The following CLEC16A variants were observed in gnomAD, a reference collection of about 807,000 sequenced individuals.
CLEC16A encodes the protein protein CLEC16A.
CLEC16A carries 51 observed loss-of-function variants against 109.5 expected under a neutral mutation model. The ratio of observed to expected loss-of-function variants is 0.47; its 90% CI spans 0.37 to 0.59. The LOEUF (loss-of-function observed/expected upper bound fraction) is 0.59, where lower values mean the gene tolerates loss of function less well. CLEC16A is among the 20% of genes least tolerant of loss of function. CLEC16A has a pLI of 0.00. For missense variants in CLEC16A, 1,339 were observed against 1,394.0 expected (o/e 0.96, Z 0.63); for synonymous variants, 673 against 564.2 (o/e 1.19, Z -2.73).
At chr16:11,059,423 A>T (rs1248427136) in intron 18 of CLEC16A, among the ~76,000 whole-genome samples, 1 of 152,138 alleles carries the variant, frequency 6.6e-6, no homozygotes, top group Non-Finnish European at 1.5e-5. Context: ...AGGAGATAGG[A>T]TTGCTCTTCC....
At chr16:11,126,781 A>G (rs751134873) in intron 22 of CLEC16A, 6 of 153,258 alleles carry the variant, frequency 3.9e-5, no homozygotes, top group African/African-American at 7.2e-5. Flanking sequence ...ATCCGTATGC[A>G]CCCCGATCCC....
At chr16:11,012,594 CAAAAAAAAAAAAAAAA>C (rs551902895) in intron 11 of CLEC16A, among the ~76,000 whole-genome samples, 2 of 67,940 alleles carry the variant, frequency 2.9e-5, no homozygotes, top group Non-Finnish European at 6.2e-5. Context: ...GACTCCGTCT[CAAAAAAAAAAAAAAAA>C]AAAAAAAAAA....
intron 22 of CLEC16A, among the ~76,000 whole-genome samples, chr16:11,147,146 A>G (rs13331231): frequency 0.22 from 33,874 of 152,036 alleles, 4,589 homozygotes; most frequent in African/African-American, 0.39. Flanking sequence ...AGGCTGCCCA[A>G]TCCCCAAGGA....
intron 18 of CLEC16A, 45 bp downstream of exon 18, chr16:11,051,686 A>G (rs907109038): frequency 6.2e-7 from 1 of 1,604,642 alleles, no homozygotes; most frequent in South Asian, 1.1e-5. Context: ...ACTGTTCTCC[A>G]GAACCACTCC....
At chr16:11,130,599 G>T (rs759715057) in intron 22 of CLEC16A, among the ~76,000 whole-genome samples, 20 of 152,286 alleles carry the variant, frequency 1.3e-4, no homozygotes, top group South Asian at 8.3e-4. Context: ...AGGGAGATTC[G>T]GTCATCAGAA....
At chr16:11,086,932 G>T (rs1381142840) in intron 19 of CLEC16A, among the ~76,000 whole-genome samples, 1 of 152,132 alleles carries the variant, frequency 6.6e-6, no homozygotes. Flanking sequence ...GAATCCTCAG[G>T]GGGAGGCCCT....
chr16:11,081,946 C>A (rs772964029), intron 19 of CLEC16A, among the ~76,000 whole-genome samples: 1 of 152,076 alleles, frequency 6.6e-6, no homozygotes, highest in African/African-American at 2.4e-5. Flanking sequence ...GTGGGAGGAT[C>A]GCTTGAGCTT....
intron 13 of CLEC16A, among the ~76,000 whole-genome samples, chr16:11,031,600 C>G (rs2152829449): frequency 6.6e-6 from 1 of 152,298 alleles, no homozygotes; most frequent in African/African-American, 2.4e-5. Context: ...ATTCTTCCAA[C>G]AAATATTTTG....
At chr16:11,082,584 C>T (rs1597326816) in intron 19 of CLEC16A, among the ~76,000 whole-genome samples, 1 of 152,116 alleles carries the variant, frequency 6.6e-6, no homozygotes, top group Non-Finnish European at 1.5e-5. Context: ...GCAGCCGGAG[C>T]GGCTGTGCAT....
At chr16:11,165,821 C>T (rs1438300585) in intron 22 of CLEC16A, among the ~76,000 whole-genome samples, 1 of 152,208 alleles carries the variant, frequency 6.6e-6, no homozygotes, top group Non-Finnish European at 1.5e-5. Flanking sequence ...AGACCATCAT[C>T]ACTAGCTCTT....
intron 18 of CLEC16A, among the ~76,000 whole-genome samples, chr16:11,058,566 A>G (rs1334485006): frequency 1.3e-5 from 2 of 151,716 alleles, no homozygotes; most frequent in Non-Finnish European, 2.9e-5. Context: ...GGTTGAATCC[A>G]CAGATATGGA....
At chr16:10,989,230 T>G (rs79696841) in intron 10 of CLEC16A, among the ~76,000 whole-genome samples, 1 of 10,738 alleles carries the variant, frequency 9.3e-5, no homozygotes, top group Non-Finnish European at 2.9e-4. Flanking sequence ...TTGTTTTTTG[T>G]TTTTTTTTGA....
At chr16:11,013,527 G>A (rs1056577784) in intron 11 of CLEC16A, among the ~76,000 whole-genome samples, 2 of 152,158 alleles carry the variant, frequency 1.3e-5, no homozygotes, top group Non-Finnish European at 2.9e-5. Context: ...AACTTTGGGA[G>A]GCCAAGGCAG....
chr16:11,015,933 C>T (rs979394635), intron 11 of CLEC16A, among the ~76,000 whole-genome samples: 58 of 152,334 alleles, frequency 3.8e-4, no homozygotes, highest in African/African-American at 1.3e-3. Flanking sequence ...AGGCCAGAGG[C>T]TGGGAGACGA....
At chr16:11,023,005 A>G (rs1388253055) in intron 12 of CLEC16A, among the ~76,000 whole-genome samples, 2 of 150,514 alleles carry the variant, frequency 1.3e-5, no homozygotes, top group South Asian at 2.1e-4. Context: ...TTATGAAAGT[A>G]TGCAAAATCT....
At chr16:11,031,137 A>G (rs1259612203) in intron 13 of CLEC16A, among the ~76,000 whole-genome samples, 1 of 152,214 alleles carries the variant, frequency 6.6e-6, no homozygotes, top group Non-Finnish European at 1.5e-5. Flanking sequence ...TGCTCCCTGC[A>G]GTACCCAGCC....
At chr16:11,114,052 G>C (rs887709208) in intron 19 of CLEC16A, among the ~76,000 whole-genome samples, 4 of 151,694 alleles carry the variant, frequency 2.6e-5, no homozygotes, top group Non-Finnish European at 5.9e-5. Context: ...GATGTTATCA[G>C]ACATGTTTAT....
chr16:11,062,056 A>G (rs1455558419), intron 19 of CLEC16A, among the ~76,000 whole-genome samples: 1 of 152,180 alleles, frequency 6.6e-6, no homozygotes, highest in Non-Finnish European at 1.5e-5. Flanking sequence ...CTTGGGGCAC[A>G]TGACCATCCC....
chr16:11,070,511 C>T (rs555806479), intron 19 of CLEC16A: 12 of 152,128 alleles, frequency 7.9e-5, no homozygotes, highest in Non-Finnish European at 1.6e-4. Context: ...CCAGCTGTGC[C>T]ATTATCTTTT....
Sources: gnomAD v4.1 joint callset for allele counts (sites outside exome capture counted in the v4.1 genomes callset) on GRCh38, gnomAD v4.1.1 for gene constraint, MANE v1.5 for transcripts, NCBI Gene and HGNC (gene_info 2026-07-23, HGNC 2026-07-21) for gene names.